ASCC3: variants seen among roughly 807,000 people sequenced by gnomAD.
ASCC3 encodes the protein activating signal cointegrator 1 complex subunit 3, also known as ASC-1 complex subunit P200.
ASCC3 carries 158 observed loss-of-function variants against 256.3 expected under a neutral mutation model. The ratio of observed to expected loss-of-function variants is 0.62; its 90% confidence interval spans 0.54 to 0.70. ASCC3 has a LOEUF of 0.70. Among genes scored for constraint, ASCC3 ranks in the 30% least tolerant of loss-of-function variants. The probability of loss-of-function intolerance (pLI) is 0.00; values close to 1 mark genes in which losing one functional copy is unlikely to be tolerated. For synonymous variants in ASCC3, 948 were observed against 883.4 expected, an observed-to-expected ratio of 1.07 and a Z score of -1.30; for missense variants, 2,259 against 2,626.0, an observed-to-expected ratio of 0.86 and a Z score of 3.05.
chr6:100,744,147 T>A (rs1215193591), intron 10 of ASCC3, among the ~76,000 whole-genome samples: 1 of 152,056 alleles, frequency 6.6e-6, no homozygotes, highest in Non-Finnish European at 1.5e-5. Flanking sequence ...CTGAAACAAA[T>A]CCTTTTGTGC....
intron 30 of ASCC3, 81 bp downstream of exon 30, chr6:100,625,111 T>C (rs1346875138): frequency 2.6e-6 from 4 of 1,526,962 alleles, no homozygotes; most frequent in East Asian, 4.6e-5. Context: ...TTCCCTATAA[T>C]ACAATTACAT....
intron 8 of ASCC3, among the ~76,000 whole-genome samples, chr6:100,797,670 A>G (rs1192029774): frequency 6.6e-6 from 1 of 152,060 alleles, no homozygotes; most frequent in Non-Finnish European, 1.5e-5. Context: ...TTCCCAAAAT[A>G]TTGATACGTG....
At chr6:100,616,587 C>A (rs1773674666) in intron 30 of ASCC3, among the ~76,000 whole-genome samples, 1 of 152,144 alleles carries the variant, frequency 6.6e-6, no homozygotes, top group Non-Finnish European at 1.5e-5. Context: ...TTACCTCTAC[C>A]TGGAATTTTT....
chr6:100,872,605 C>T (rs1773800534), intron 1 of ASCC3, among the ~76,000 whole-genome samples: 1 of 152,096 alleles, frequency 6.6e-6, no homozygotes, highest in Non-Finnish European at 1.5e-5. Context: ...CAAGAGAACC[C>T]ACAGACCTTC....
At chr6:100,806,768 C>T (rs1770204306) in intron 4 of ASCC3, among the ~76,000 whole-genome samples, 1 of 151,726 alleles carries the variant, frequency 6.6e-6, no homozygotes, top group African/African-American at 2.4e-5. Flanking sequence ...TGAAGTTATG[C>T]ACACAAAGGG....
Position 100,718,145 on chromosome 6 carries a change from A to C in ASCC3, c.2009T>G (p.Phe670Cys). 1 of 1,613,792 alleles carries C rather than the reference A, an allele frequency of 6.2e-7. No homozygotes were observed. Among genetic ancestry groups the C allele is most frequent in the East Asian group, 2.2e-5 (1 of 44,848 alleles). The change falls in exon 12 of 42, where the codon TTC (phenylalanine) becomes TGC (cysteine). Residue 670 changes from phenylalanine (F) to cysteine (C), a missense_variant. Phe to Cys is a radical substitution (Grantham distance 205). Coordinates refer to ENST00000369162, the MANE Select transcript of ASCC3 (RefSeq NM_006828.4). ...FLHVNPYIGL[F>C]FFDGRFRPVP... Reference sequence around the variant, plus strand: ...TGGTCGAAAACGGCCATCAAAGAAGAAAAGTCCAATGTATGGATTAACATG... The same window carrying C: ...TGGTCGAAAACGGCCATCAAAGAAGCAAAGTCCAATGTATGGATTAACATG...
chr6:100,664,802 A>T (rs1466973368), intron 14 of ASCC3, among the ~76,000 whole-genome samples: 9 of 152,182 alleles, frequency 5.9e-5, no homozygotes, highest in Non-Finnish European at 1.3e-4. Flanking sequence ...GGAGAGGAGA[A>T]ACATTTCACT....
In ASCC3 at chr6:100,636,963, T is replaced by C. The variant is rs547221843; in HGVS notation, c.4122+1638A>G. Among the ~76,000 whole-genome samples, 193 of 152,302 alleles carry C rather than the reference T, an allele frequency of 1.3e-3. 1 individual carries two copies. Among genetic ancestry groups the C allele is most frequent in the Non-Finnish European group, 2.2e-3 (151 of 68,018 alleles). ...TGCCAGGTGAAGCAGAAAGTGCTGA[T>C]GTAGAAGCTGCAGCGAGTTATCTGG... On this transcript the variant is annotated intron_variant, in intron 25 of 41. Coordinates refer to ENST00000369162, the MANE Select transcript of ASCC3 (RefSeq NM_006828.4).
intron 13 of ASCC3, among the ~76,000 whole-genome samples, chr6:100,681,725 C>CAAAAAAAAAAAAAAAAAAAAAA (rs10696130): frequency 3.4e-5 from 2 of 58,656 alleles, no homozygotes; most frequent in East Asian, 1.3e-3. Flanking sequence ...GACTCCGTCT[C>CAAAAAAAAAAAAAAAAAAAAAA]AAAAAAAAAA....
chr6:100,598,556 TA>T lies in ASCC3; in HGVS notation c.5303+3253del, dbSNP rs1316486518. ...CTGTTCTTTCATTACTACTGTTTAT[TA>T]CAGTTTCATGTGGATTTTCTCACCA... On this transcript the variant is annotated intron_variant, in intron 34 of 41. Transcript: ENST00000369162. Among the ~76,000 whole-genome samples, 3 of 152,208 alleles carry T rather than the reference TA, an allele frequency of 2.0e-5. No homozygotes were observed. The East Asian group carries it at 5.8e-4, about 29-fold the overall frequency.
At chr6:100,789,212 C>A (rs1376946591) in intron 8 of ASCC3, among the ~76,000 whole-genome samples, 2 of 151,842 alleles carry the variant, frequency 1.3e-5, no homozygotes, top group African/African-American at 4.8e-5. Flanking sequence ...AGGGAAGTAA[C>A]TTATAAATCC....
At chr6:100,788,405 T>C (rs1769191458) in intron 8 of ASCC3, among the ~76,000 whole-genome samples, 1 of 152,016 alleles carries the variant, frequency 6.6e-6, no homozygotes, top group African/African-American at 2.4e-5. Flanking sequence ...GAAAACAGTT[T>C]GCCAGTTTCT....
At chr6:100,607,842 T>C (rs1772982298) in intron 30 of ASCC3, among the ~76,000 whole-genome samples, 1 of 151,218 alleles carries the variant, frequency 6.6e-6, no homozygotes, top group African/African-American at 2.4e-5. Flanking sequence ...TGTATTTTTG[T>C]TTACTTCTTA....
chr6:100,670,789 A>C (rs1274670544), intron 14 of ASCC3, among the ~76,000 whole-genome samples: 1 of 151,972 alleles, frequency 6.6e-6, no homozygotes, highest in Non-Finnish European at 1.5e-5. Context: ...TTTTAAATGC[A>C]TGTAGTACAT....
chr6:100,752,466 T>C (rs545543444), intron 10 of ASCC3, among the ~76,000 whole-genome samples: 3 of 152,258 alleles, frequency 2.0e-5, no homozygotes, highest in African/African-American at 7.2e-5. Context: ...CCTTTTGAAG[T>C]AGTTTGCCCA....
chr6:100,728,706 G>A (rs1431364515), intron 10 of ASCC3, among the ~76,000 whole-genome samples: 2 of 152,028 alleles, frequency 1.3e-5, no homozygotes, highest in Non-Finnish European at 2.9e-5. Flanking sequence ...ACGTGCAACA[G>A]CATGGAAAAA....
At chr6:100,552,337 G>A (rs114988034) in intron 36 of ASCC3, among the ~76,000 whole-genome samples, 2,545 of 151,826 alleles carry the variant, frequency 0.017, 61 homozygotes, top group African/African-American at 0.058. Flanking sequence ...GATTCTTAAA[G>A]TGTTATTCAA....
At chr6:100,804,143 T>C (rs1033799488) in intron 5 of ASCC3, among the ~76,000 whole-genome samples, 10 of 152,110 alleles carry the variant, frequency 6.6e-5, no homozygotes, top group East Asian at 1.9e-4. Flanking sequence ...AGTGTGATAA[T>C]TGTATTGTGC....
At chr6:100,590,646 G>A (rs552362512) in intron 34 of ASCC3, among the ~76,000 whole-genome samples, 20 of 152,102 alleles carry the variant, frequency 1.3e-4, no homozygotes, top group African/African-American at 4.8e-4. Context: ...TTAGAGAACC[G>A]GTTCTCATCC....
Sources: gnomAD v4.1 joint callset for allele counts (sites outside exome capture counted in the v4.1 genomes callset) on GRCh38, gnomAD v4.1.1 for gene constraint, MANE v1.5 for transcripts, NCBI Gene and HGNC (gene_info 2026-07-23, HGNC 2026-07-21) for gene names.